Variants in TRDN observed in about 807,000 individuals in gnomAD.
TRDN encodes the protein triadin, also known as triadin in skeletal muscle.
A neutral mutation model predicts 149.7 loss-of-function variants in TRDN; 161 were observed. The observed-to-expected ratio is 1.08, with a 90% CI of 0.95 to 1.23. The LOEUF (loss-of-function observed/expected upper bound fraction) is 1.23. TRDN is among the 50% of genes most tolerant of loss of function. TRDN has a pLI of 0.00. For missense variants in TRDN, 896 were observed against 823.5 expected, an observed-to-expected ratio of 1.09 and a Z score of -1.08; for synonymous variants, 294 against 250.5, an observed-to-expected ratio of 1.17 and a Z score of -1.64.
intron 1 of TRDN, among the ~76,000 whole-genome samples, chr6:123,589,828 A>T (rs1160628232): frequency 6.6e-6 from 1 of 152,228 alleles, no homozygotes; most frequent in Non-Finnish European, 1.5e-5. Context: ...TAGATTCCTC[A>T]TATTGCCAAT....
intron 3 of TRDN, among the ~76,000 whole-genome samples, chr6:123,547,832 C>T (rs1017318716): frequency 6.6e-6 from 1 of 151,986 alleles, no homozygotes. Flanking sequence ...TCTTTTCATA[C>T]TCATTCAATG....
chr6:123,390,536 T>C (rs1782067889), intron 13 of TRDN, among the ~76,000 whole-genome samples: 1 of 152,164 alleles, frequency 6.6e-6, no homozygotes, highest in Admixed American at 6.6e-5. Flanking sequence ...TTTCTGTTGT[T>C]GCCCTGGATC....
At chr6:123,269,818 T>G in intron 31 of TRDN, 31 bp downstream of exon 31, 1 of 1,605,722 alleles carries the variant, frequency 6.2e-7, no homozygotes, top group Non-Finnish European at 8.5e-7. Context: ...TCAAGCGATA[T>G]TTCTCAGGTG....
At chr6:123,543,037 A>G (rs1780930707) in intron 4 of TRDN, among the ~76,000 whole-genome samples, 1 of 152,220 alleles carries the variant, frequency 6.6e-6, no homozygotes. Context: ...ATTTATTAAT[A>G]ACATCATATA....
At chr6:123,403,315 A>C (rs1446283527) in intron 12 of TRDN, among the ~76,000 whole-genome samples, 1 of 152,182 alleles carries the variant, frequency 6.6e-6, no homozygotes, top group Non-Finnish European at 1.5e-5. Flanking sequence ...AAGAGCATAG[A>C]AGGAAGCCTA....
intron 12 of TRDN, chr6:123,412,002 G>GT (rs1773460628): frequency 6.6e-6 from 1 of 152,190 alleles, no homozygotes; most frequent in South Asian, 2.1e-4. Context: ...AGACCAGATA[G>GT]TTAAATTTTC....
intron 5 of TRDN, among the ~76,000 whole-genome samples, chr6:123,525,169 A>G (rs543565067): frequency 2.0e-5 from 3 of 152,212 alleles, no homozygotes; most frequent in Admixed American, 6.6e-5. Context: ...GTAAAAATAA[A>G]ACTACCATTT....
chr6:123,635,323 A>AACACACACACACACACAC (rs141018949), intron 1 of TRDN, among the ~76,000 whole-genome samples: 144 of 147,264 alleles, frequency 9.8e-4, no homozygotes, highest in African/African-American at 3.4e-3. Context: ...CAGAAAAGAA[A>AACACACACACACACACAC]ACACACACAC....
chr6:123,299,627 G>A (rs2114666411), intron 24 of TRDN, among the ~76,000 whole-genome samples: 1 of 152,116 alleles, frequency 6.6e-6, no homozygotes, highest in Non-Finnish European at 1.5e-5. Flanking sequence ...TAATTATTAA[G>A]TATCAAGCCT....
chr6:123,463,364 TA>T (rs1554243429), intron 10 of TRDN, among the ~76,000 whole-genome samples: 3 of 110,164 alleles, frequency 2.7e-5, no homozygotes, highest in African/African-American at 8.3e-5. Context: ...AAATAATAAA[TA>T]AATAAATAAA....
intron 21 of TRDN, among the ~76,000 whole-genome samples, chr6:123,349,286 T>C (rs1362268552): frequency 1.3e-5 from 2 of 152,060 alleles, no homozygotes; most frequent in Non-Finnish European, 1.5e-5. Context: ...TGAAAATATA[T>C]AAACTACATA....
At chr6:123,406,417 T>G (rs9490743) in intron 12 of TRDN, among the ~76,000 whole-genome samples, 20,292 of 152,168 alleles carry the variant, frequency 0.13, 1,479 homozygotes, top group African/African-American at 0.2. Flanking sequence ...TGGACTAAAC[T>G]GCAAGCATTC....
chr6:123,529,121 C>T lies in TRDN; in HGVS notation c.484+1385G>A, dbSNP rs186372756. The T allele has an allele frequency of 4.6e-4, 694 of 1,502,014 alleles. 4 individuals carry two copies. In the African/African-American group the frequency reaches 7.5e-3, roughly 16 times the overall value. The allele number at this position is 1,502,014 out of a possible 1,614,324, so 93.0% of individuals were successfully genotyped here. On this transcript the variant is annotated intron_variant, in intron 5 of 40. Transcript: ENST00000334268. Reference sequence around the variant, plus strand: ...GGTGCCATCTACATTACTACCGCCACTCCAGCAGCACTGTTATTAAATTAA... The same window carrying T: ...GGTGCCATCTACATTACTACCGCCATTCCAGCAGCACTGTTATTAAATTAA...
intron 10 of TRDN, chr6:123,464,403 T>C: frequency 1.0e-6 from 1 of 968,928 alleles, no homozygotes; most frequent in Non-Finnish European, 1.2e-6. Flanking sequence ...TGTGTGTATA[T>C]ATATATTTCA....
chr6:123,483,165 C>T (rs532734322), intron 9 of TRDN, among the ~76,000 whole-genome samples: 3 of 150,694 alleles, frequency 2.0e-5, no homozygotes, highest in South Asian at 2.1e-4. Flanking sequence ...TGAAGTGGCA[C>T]GATCTCGGCT....
chr6:123,628,902 A>C (rs1362116652), intron 1 of TRDN, among the ~76,000 whole-genome samples: 1 of 152,134 alleles, frequency 6.6e-6, no homozygotes, highest in Non-Finnish European at 1.5e-5. Context: ...TTAATACCAT[A>C]GAATCTAAAA....
intron 5 of TRDN, among the ~76,000 whole-genome samples, chr6:123,526,295 C>A (rs1002173742): frequency 6.6e-6 from 1 of 151,882 alleles, no homozygotes; most frequent in African/African-American, 2.4e-5. Context: ...TATCTAGGAA[C>A]TGATAGATAT....
intron 10 of TRDN, chr6:123,464,355 T>C: frequency 1.0e-6 from 1 of 974,052 alleles, no homozygotes. Context: ...TTATAAACTA[T>C]ACATATACAT....
At chr6:123,592,119 G>A (rs1245406301) in intron 1 of TRDN, among the ~76,000 whole-genome samples, 1 of 152,052 alleles carries the variant, frequency 6.6e-6, no homozygotes, top group African/African-American at 2.4e-5. Context: ...CTAAGATGGG[G>A]GTCTTAAAAT....
Sources: allele counts gnomAD v4.1 joint callset (sites outside exome capture counted in the v4.1 genomes callset), GRCh38; gene constraint gnomAD v4.1.1; transcripts MANE v1.5; gene names NCBI Gene and HGNC (gene_info 2026-07-23, HGNC 2026-07-21).